Variants in FRK observed in about 807,000 individuals in gnomAD.
The protein encoded by FRK is tyrosine-protein kinase FRK.
FRK carries 51 observed loss-of-function variants against 56.4 expected under a neutral mutation model. The observed-to-expected ratio is 0.90, with a 90% CI of 0.72 to 1.14. The LOEUF is 1.14. Ranked by LOEUF, FRK falls within the 50% of genes most tolerant of loss-of-function variation. FRK has a pLI of 0.00. For synonymous variants in FRK, 245 were observed against 217.9 expected (o/e 1.12, Z -1.10); for missense variants, 570 against 601.4 (o/e 0.95, Z 0.55).
intron 2 of FRK, among the ~76,000 whole-genome samples, chr6:115,994,328 C>CT (rs1261943775): frequency 7.7e-5 from 8 of 103,522 alleles, no homozygotes; most frequent in Non-Finnish European, 1.8e-4. Flanking sequence ...ACAACCTCCC[C>CT]CCCCCCCGCC....
At chr6:115,995,618 AAAC>A (rs1774808754) in intron 2 of FRK, among the ~76,000 whole-genome samples, 2 of 152,142 alleles carry the variant, frequency 1.3e-5, no homozygotes, top group Non-Finnish European at 2.9e-5. Context: ...AAAAAAAAGA[AAAC>A]AAGCCTTGTA....
chr6:115,942,637 A>C lies in FRK; in HGVS notation c.1307-12T>G. 6.2e-7 allele frequency: 1 copy of C among 1,604,032 alleles called. No individual in the cohort carries two copies. Among genetic ancestry groups the C allele is most frequent in the Non-Finnish European group, 8.5e-7 (1 of 1,171,774 alleles). On this transcript the variant is annotated splice_polypyrimidine_tract_variant and intron_variant, in intron 7 of 7. Coordinates refer to ENST00000606080, the MANE Select transcript of FRK (RefSeq NM_002031.3). ...GGCACCTGTCATACCTTGAAAATAC[A>C]GAACGAAACCAACAACAACAAAAAA...
chr6:116,024,580 A>G (rs1479378102), intron 1 of FRK, among the ~76,000 whole-genome samples: 1 of 151,986 alleles, frequency 6.6e-6, no homozygotes, highest in Non-Finnish European at 1.5e-5. Context: ...CCATGTCCCT[A>G]CAAAGGACAT....
In FRK at chr6:116,060,292, C is replaced by A; in HGVS notation, c.20G>T (p.Arg7Met). MSNICQ[R>M]LWEYLEPYLP... ...ATAGGGTTCTAGGTACTCCCAGAGC[C>A]TCTGACAGATGTTGCTCATTGTGCC... Residue 7 changes from arginine (R) to methionine (M), a missense_variant, in exon 1 of 8, where the codon AGG (arginine) becomes ATG (methionine). By Grantham distance (91) the Arg-to-Met change is moderately conservative (BLOSUM62 -1). Transcript: ENST00000606080. The A allele has an allele frequency of 6.2e-7, 1 of 1,613,748 alleles. No homozygotes were observed. The highest frequency in any genetic ancestry group is 8.5e-7 in the Non-Finnish European group (1 of 1,179,824).
chr6:116,052,457 A>G (rs1463721275), intron 1 of FRK, among the ~76,000 whole-genome samples: 1 of 152,186 alleles, frequency 6.6e-6, no homozygotes, highest in East Asian at 1.9e-4. Flanking sequence ...CATCTACCCA[A>G]TCAGTGCTTA....
intron 4 of FRK, among the ~76,000 whole-genome samples, chr6:115,960,605 C>T (rs1164135551): frequency 9.9e-4 from 114 of 114,864 alleles, no homozygotes; most frequent in Middle Eastern, 4.9e-3. Context: ...CACAGACAAA[C>T]AAAAAGACAG....
At chr6:115,974,934 A>T (rs1015320579) in intron 2 of FRK, among the ~76,000 whole-genome samples, 1 of 152,160 alleles carries the variant, frequency 6.6e-6, no homozygotes. Flanking sequence ...CTGTGAGGGC[A>T]GGGGCTCTGC....
At position 115,956,553 on chromosome 6, in the gene FRK, T is replaced by C. The variant is rs1048507606; in HGVS notation, c.857A>G (p.His286Arg). The C allele has an allele frequency of 6.3e-7, 1 of 1,592,690 alleles. No homozygotes were observed. The highest frequency in any genetic ancestry group is 1.2e-5 in the South Asian group (1 of 84,712). Residue 286 changes from histidine to arginine, a missense_variant, in exon 5 of 8, where the codon CAT becomes CGT. Coordinates refer to ENST00000606080, the MANE Select transcript of FRK (RefSeq NM_002031.3). ...REAQIMKNLR[H>R]PKLIQLYAVC... ...AGCATAAAGCTGGATAAGCTTTGGA[T>C]GTCTTAGGTTCTTCATTATCTGTGC... is the stretch of plus-strand genomic sequence containing the variant.
chr6:115,957,048 T>C (rs1582645433), intron 4 of FRK, among the ~76,000 whole-genome samples: 1 of 152,228 alleles, frequency 6.6e-6, no homozygotes, highest in East Asian at 1.9e-4. Context: ...ACAAAAATCC[T>C]AAAACAGTGA....
the FRK span, among the ~76,000 whole-genome samples, chr6:116,086,396 T>G: frequency 0.17 from 26,102 of 152,104 alleles, 2,663 homozygotes; most frequent in African/African-American, 0.28. Flanking sequence ...TTTTTCTATG[T>G]GATGTACTAT....
intron 1 of FRK, among the ~76,000 whole-genome samples, chr6:116,008,293 T>C (rs953151596): frequency 2.0e-5 from 3 of 152,222 alleles, no homozygotes; most frequent in African/African-American, 7.2e-5. Flanking sequence ...TTCAACAATT[T>C]TGGACTTTTG....
chr6:116,099,665 CTAGGTA>C, the FRK span, among the ~76,000 whole-genome samples: 27 of 152,266 alleles, frequency 1.8e-4, no homozygotes, highest in Middle Eastern at 3.4e-3. Context: ...AATGGGTCTA[CTAGGTA>C]TAAGTGTCCT....
At chr6:115,979,211 G>C (rs1375644028) in intron 2 of FRK, among the ~76,000 whole-genome samples, 2 of 152,072 alleles carry the variant, frequency 1.3e-5, no homozygotes, top group African/African-American at 4.8e-5. Context: ...GGGTGTTATT[G>C]CCCCTAAAGA....
rs536850522 is a variant in FRK at position 115,966,554 on chromosome 6, A to C, written c.799+997T>G. Among the ~76,000 whole-genome samples, 6 of 152,310 alleles carry C rather than the reference A, an allele frequency of 3.9e-5. No homozygotes were observed. The South Asian group carries it at 1.2e-3, about 32-fold the overall frequency. On this transcript the variant is annotated intron_variant, in intron 4 of 7. Coordinates refer to ENST00000606080, the MANE Select transcript of FRK (RefSeq NM_002031.3). The stretch of plus-strand genomic sequence containing the variant: ...CCTATGCTGCTAGCCAACAAATCCC[A>C]AGAGCTCAAGTTCTGCCACCAGGAG...
In FRK at chr6:115,942,434, C is replaced by A; in HGVS notation, c.1498G>T (p.Ala500Ser). 2 of 1,612,724 alleles carry A rather than the reference C, an allele frequency of 1.2e-6. No homozygotes were observed. Among genetic ancestry groups the A allele is most frequent in the Non-Finnish European group, 1.7e-6 (2 of 1,178,924 alleles). Residue 500 changes from alanine (A) to serine (S), a missense_variant, in exon 8 of 8, where the codon GCA becomes TCA. Physicochemically the swap from Ala to Ser is moderately conservative, Grantham distance 99. Transcript: ENST00000606080. ...AGTGTTCATCTTATGAAGTTATTTG[C>A]ATCTGAATATGAAGAGTCTGTTTCA... ...YFETDSSYSD[A>S]NNFIR
chr6:116,052,242 T>C (rs1481424523), intron 1 of FRK, among the ~76,000 whole-genome samples: 1 of 152,178 alleles, frequency 6.6e-6, no homozygotes, highest in African/African-American at 2.4e-5. Context: ...GGAATTATGC[T>C]TTTATGACTG....
the FRK span, among the ~76,000 whole-genome samples, chr6:116,072,565 A>AC: frequency 7.2e-4 from 52 of 72,260 alleles, no homozygotes; most frequent in African/African-American, 2.4e-3. Flanking sequence ...ACACACACAC[A>AC]AGATACCTTT....
chr6:116,074,237 T>C, the FRK span, among the ~76,000 whole-genome samples: 1 of 152,218 alleles, frequency 6.6e-6, no homozygotes, highest in Non-Finnish European at 1.5e-5. Flanking sequence ...TCTGTCCTCA[T>C]AATGACTAAC....
chr6:116,047,293 G>A (rs542478798), intron 1 of FRK, among the ~76,000 whole-genome samples: 33 of 151,888 alleles, frequency 2.2e-4, no homozygotes, highest in Admixed American at 2.6e-4. Flanking sequence ...ATCTGATGCC[G>A]TAGAAAGGGT....
Sources: allele counts gnomAD v4.1 joint callset (sites outside exome capture counted in the v4.1 genomes callset), GRCh38; gene constraint gnomAD v4.1.1; transcripts MANE v1.5; gene names NCBI Gene and HGNC (gene_info 2026-07-23, HGNC 2026-07-21).